Variants in PRR14L observed in about 807,000 individuals in gnomAD.
PRR14L encodes protein PRR14L.
A neutral mutation model predicts 155.0 loss-of-function variants in PRR14L; 80 were observed. That is an observed-to-expected ratio of 0.52 (90% CI 0.43 to 0.62). The LOEUF is 0.62. Among genes scored for constraint, PRR14L ranks in the 20% least tolerant of loss-of-function variants. The probability of loss-of-function intolerance (pLI) is 0.00; values close to 1 mark genes in which losing one functional copy is unlikely to be tolerated. For synonymous variants in PRR14L, 883 were observed against 916.0 expected (o/e 0.96, Z 0.65); for missense variants, 2,469 against 2,548.0 (o/e 0.97, Z 0.67).
At position 31,685,531 on chromosome 22, in the gene PRR14L, C is replaced by T. The variant is rs1214688320; in HGVS notation, c.6452G>A (p.Cys2151Tyr). The T allele has an allele frequency of 6.5e-7, 1 of 1,546,494 alleles. No individual in the cohort carries two copies. Among genetic ancestry groups the T allele is most frequent in the Non-Finnish European group, 8.7e-7 (1 of 1,143,134 alleles). ...KEEEQEQSSG[C>Y] ...ACCCTCAAACTGAATCGCTTCTCAA[C>T]AGCCTGATGATTGTTCCTGCTCCTC... The change falls in exon 9 of 9, where the codon TGT becomes TAT. Residue 2151 changes from cysteine to tyrosine, a missense_variant. Transcript: ENST00000327423.
At position 31,715,556 on chromosome 22, in the gene PRR14L, A is replaced by G. The variant is rs1343989417; in HGVS notation, c.2283T>C (p.Asn761=). 5.8e-6 allele frequency: 9 copies of G among 1,551,952 alleles called. No homozygotes were observed. Among genetic ancestry groups the G allele is most frequent in the Non-Finnish European group, 7.8e-6 (9 of 1,147,084 alleles). Residue 761 remains asparagine (N), a synonymous_variant, in exon 4 of 9, where the codon AAT becomes AAC. Transcript: ENST00000327423. The part of the protein sequence containing the change: ...TKALHSRLRS[N]KREAAGFPQV... Reference sequence around the variant, plus strand: ...GAGGAAAGCCAGCTGCTTCTCTCTTATTTGAGCGCAGCCTGGAATGTAGAG... The same window carrying G: ...GAGGAAAGCCAGCTGCTTCTCTCTTGTTTGAGCGCAGCCTGGAATGTAGAG...
At chr22:31,705,357 A>G (rs1232364026) in intron 4 of PRR14L, among the ~76,000 whole-genome samples, 1 of 152,140 alleles carries the variant, frequency 6.6e-6, no homozygotes, top group Non-Finnish European at 1.5e-5. Flanking sequence ...ACCTTATAAA[A>G]TATTAGAGAG....
At chr22:31,703,239 T>C (rs1002893775) in intron 6 of PRR14L, among the ~76,000 whole-genome samples, 5 of 152,206 alleles carry the variant, frequency 3.3e-5, no homozygotes, top group Admixed American at 1.3e-4. Flanking sequence ...CGTTGCAAAA[T>C]TGAACATCAT....
rs1159419654 is a variant in PRR14L, at chr22:31,750,116, G to C, written c.-175C>G. The C allele has an allele frequency of 6.6e-6, 1 of 152,510 alleles. No individual in the cohort carries two copies. The highest frequency in any genetic ancestry group is 2.4e-5 in the African/African-American group (1 of 41,468). 9.4% of individuals were successfully genotyped at this position (152,510 alleles called of 1,614,324 possible). The stretch of plus-strand genomic sequence containing the variant: ...AGAGGCCGGGGGCGCTCCGGCCGCC[G>C]CCACCTCTTCGTCTCTATGGTCCCC... On this transcript the variant is annotated 5_prime_UTR_variant, in exon 1 of 9. Transcript: ENST00000327423.
At position 31,712,224 on chromosome 22, in the gene PRR14L, T is replaced by C. The variant is rs1473745138; in HGVS notation, c.5615A>G (p.Lys1872Arg). The C allele has an allele frequency of 1.2e-5, 20 of 1,614,024 alleles. No individual in the cohort carries two copies. Among genetic ancestry groups the C allele is most frequent in the Non-Finnish European group, 1.6e-5 (19 of 1,180,030 alleles). ...CGAGTAGGGCAGAGAACAGAAGACC[T>C]TGTCTGCTATGGAGGCTGGAGACCG... ...GLRSPASIAD[K>R]VFCSLPYSVG... Residue 1872 changes from lysine to arginine, a missense_variant, in exon 4 of 9, where the codon AAG becomes AGG. Coordinates refer to ENST00000327423, the MANE Select transcript of PRR14L (RefSeq NM_173566.3).
At chr22:31,700,949 T>C (rs887098275) in intron 7 of PRR14L, among the ~76,000 whole-genome samples, 2 of 151,798 alleles carry the variant, frequency 1.3e-5, no homozygotes, top group African/African-American at 2.4e-5. Context: ...TGATAAGAAA[T>C]GGAGAAGCAA....
rs970477934 is a variant in PRR14L, at chr22:31,683,958, C to G, written c.*1569G>C. The G allele has an allele frequency of 6.6e-6, 1 of 152,260 alleles. No homozygotes were observed. The highest frequency in any genetic ancestry group is 1.5e-5 in the Non-Finnish European group (1 of 68,112). 9.4% of individuals were successfully genotyped at this position (152,260 alleles called of 1,614,324 possible). A position where few individuals can be genotyped will look rare whatever the true frequency, so the allele number is the denominator to read the frequency against. Reference sequence around the variant, plus strand: ...CTGACGGTTCCCATCGGCGGCTGCTCCATGCCAGTGGCTCCCAGGAGGATA... The same window carrying G: ...CTGACGGTTCCCATCGGCGGCTGCTGCATGCCAGTGGCTCCCAGGAGGATA... On this transcript the variant is annotated 3_prime_UTR_variant, in exon 9 of 9. Coordinates refer to ENST00000327423, the MANE Select transcript of PRR14L (RefSeq NM_173566.3).
Position 31,716,038 on chromosome 22 carries a change from G to C in PRR14L, c.1801C>G (p.Pro601Ala). The C allele has an allele frequency of 1.9e-6, 3 of 1,550,574 alleles. No individual in the cohort carries two copies. Among genetic ancestry groups the C allele is most frequent in the Non-Finnish European group, 2.6e-6 (3 of 1,146,882 alleles). ...KQGTALLLPSPEFDYRPESEK... is the reference protein window; with the variant it reads ...KQGTALLLPSAEFDYRPESEK... Reference sequence around the variant, plus strand: ...GACTCAGGTCTGTAATCAAATTCTGGGGATGGTAGCAACAGAGCAGTACCT... The same window carrying C: ...GACTCAGGTCTGTAATCAAATTCTGCGGATGGTAGCAACAGAGCAGTACCT... Residue 601 changes from proline to alanine, a missense_variant, in exon 4 of 9, where the codon CCA (proline) becomes GCA (alanine). Physicochemically the swap from Pro to Ala is conservative, Grantham distance 27. Around this residue, in one of 2 missense-constraint regions of PRR14L, gnomAD observed 2,363 missense variants for 2,371.6 expected, o/e 1.00. Coordinates refer to ENST00000327423, the MANE Select transcript of PRR14L (RefSeq NM_173566.3).
chr22:31,709,694 C>T (rs1399293924), intron 4 of PRR14L, among the ~76,000 whole-genome samples: 1 of 151,770 alleles, frequency 6.6e-6, no homozygotes, highest in African/African-American at 2.4e-5. Flanking sequence ...GTGTGTGCCA[C>T]CATGCCCAGC....
At position 31,716,315 on chromosome 22, in the gene PRR14L, T is replaced by C. The variant is rs374771045; in HGVS notation, c.1524A>G (p.Glu508=). The part of the protein sequence containing the change: ...TNMSHPGGHS[E]ESSFSSLMQI... ...GCATCAAGGAGGAAAAACTGCTTTC[T>C]TCAGAGTGTCCACCAGGATGGCTCA... Residue 508 remains glutamate (E), a synonymous_variant, in exon 4 of 9, where the codon GAA becomes GAG. Coordinates refer to ENST00000327423, the MANE Select transcript of PRR14L (RefSeq NM_173566.3). 4 of 1,551,586 alleles carry C rather than the reference T, an allele frequency of 2.6e-6. No individual in the cohort carries two copies. The highest frequency in any genetic ancestry group is 3.5e-6 in the Non-Finnish European group (4 of 1,146,998).
At chr22:31,746,735 G>A (rs1024704667) in intron 1 of PRR14L, among the ~76,000 whole-genome samples, 6 of 151,296 alleles carry the variant, frequency 4.0e-5, no homozygotes, top group African/African-American at 7.3e-5. Context: ...ATTCTTTTAC[G>A]TTGAGGACAA....
rs376269645 is a variant in PRR14L at position 31,704,668 on chromosome 22, C to T, written c.5815G>A (p.Gly1939Ser). The T allele has an allele frequency of 1.3e-5, 21 of 1,613,654 alleles. No individual in the cohort carries two copies. Among genetic ancestry groups the T allele is most frequent in the Non-Finnish European group, 1.7e-5 (20 of 1,179,842 alleles). Reference protein sequence around the residue: ...PGMEATYNTSGSQTRLEPPFP... With the variant: ...PGMEATYNTSSSQTRLEPPFP... ...TCATGTGCTTACCTCGTCTGACTGC[C>T]GCTGGTGTTATATGTAGCTTCCATG... Residue 1939 changes from glycine (G) to serine (S), a missense_variant, in exon 5 of 9, where the codon GGC (glycine) becomes AGC (serine). This residue lies in a region of PRR14L where 2,363 missense variants were observed against 2,371.6 expected (regional missense o/e 1.00). Coordinates refer to ENST00000327423, the MANE Select transcript of PRR14L (RefSeq NM_173566.3).
intron 3 of PRR14L, among the ~76,000 whole-genome samples, chr22:31,721,664 CA>C (rs1242677594): frequency 1.3e-5 from 2 of 151,822 alleles, no homozygotes; most frequent in African/African-American, 2.4e-5. Flanking sequence ...TTATCTATTA[CA>C]TATTTCAAAA....
intron 6 of PRR14L, 128 bp downstream of exon 6, chr22:31,703,422 C>T (rs1472371225): frequency 2.3e-6 from 2 of 863,886 alleles, no homozygotes; most frequent in Non-Finnish European, 3.6e-6. Flanking sequence ...CTCTCCAGAA[C>T]TCGGCTGACA....
chr22:31,719,352 C>G (rs2074678231), intron 3 of PRR14L, among the ~76,000 whole-genome samples: 1 of 150,702 alleles, frequency 6.6e-6, no homozygotes, highest in Non-Finnish European at 1.5e-5. Context: ...GTCAAGGCTG[C>G]AATAAGCTGT....
At chr22:31,745,940 A>C (rs1046057299) in intron 1 of PRR14L, among the ~76,000 whole-genome samples, 4 of 151,148 alleles carry the variant, frequency 2.6e-5, no homozygotes, top group African/African-American at 9.7e-5. Flanking sequence ...TGTATGTTGA[A>C]CTTTTTTTTT....
At chr22:31,688,919 C>CA (rs2074497057) in intron 7 of PRR14L, among the ~76,000 whole-genome samples, 1 of 151,860 alleles carries the variant, frequency 6.6e-6, no homozygotes, top group African/African-American at 2.4e-5. Context: ...CACACACACA[C>CA]ACACACAAAA....
chr22:31,703,601 A>G lies in PRR14L; in HGVS notation c.5949T>C (p.Gly1983=). The change falls in exon 6 of 9, where the codon GGT becomes GGC. Residue 1983 remains glycine (G), a synonymous_variant. Transcript: ENST00000327423. Reference sequence around the variant, plus strand: ...GTGGGCAGGGGCATGCTGCTTTCACACCATCCAGCTCATCCAATCCACGAA... The same window carrying G: ...GTGGGCAGGGGCATGCTGCTTTCACGCCATCCAGCTCATCCAATCCACGAA... ...FQVRGLDELD[G]VKAACPCPQS... 6.2e-7 allele frequency: 1 copy of G among 1,613,904 alleles called. No homozygotes were observed. Among genetic ancestry groups the G allele is most frequent in the Non-Finnish European group, 8.5e-7 (1 of 1,179,920 alleles).
chr22:31,713,435 C>T lies in PRR14L; in HGVS notation c.4404G>A (p.Lys1468=). 6.4e-7 allele frequency: 1 copy of T among 1,551,792 alleles called. No homozygotes were observed. The highest frequency in any genetic ancestry group is 1.2e-5 in the South Asian group (1 of 84,046). ...VAQTQKLEDQ[K]EERLHHPLRK... is the part of the protein sequence containing the mutation. ...TTAATGGATGATGTAACCTTTCCTC[C>T]TTCTGGTCTTCTAACTTCTGAGTCT... is the stretch of plus-strand genomic sequence containing the variant. The change falls in exon 4 of 9, where the codon AAG becomes AAA. Residue 1468 remains lysine, a synonymous_variant. Transcript: ENST00000327423.
Sources: allele counts gnomAD v4.1 joint callset (sites outside exome capture counted in the v4.1 genomes callset), GRCh38; gene constraint gnomAD v4.1.1; regional missense constraint gnomAD v4.1.1; transcripts MANE v1.5; gene names NCBI Gene and HGNC (gene_info 2026-07-23, HGNC 2026-07-21).